Variants in MARCHF11 observed in about 807,000 individuals in gnomAD.
The protein encoded by MARCHF11 is E3 ubiquitin-protein ligase MARCHF11.
Under a neutral mutation model 37.3 loss-of-function variants are expected in MARCHF11, and 29 were observed. The observed-to-expected ratio is 0.78, with a 90% CI of 0.58 to 1.06. MARCHF11 has a LOEUF of 1.06. Ranked by LOEUF, MARCHF11 falls within the 50% of genes least tolerant of loss-of-function variation. The pLI is 0.00. For synonymous variants in MARCHF11, 233 were observed against 228.0 expected, an observed-to-expected ratio of 1.02 and a Z score of -0.20; for missense variants, 482 against 533.4, an observed-to-expected ratio of 0.90 and a Z score of 0.95.
chr5:16,094,950 T>C (rs1336702434), intron 2 of MARCHF11, among the ~76,000 whole-genome samples: 3 of 152,190 alleles, frequency 2.0e-5, no homozygotes, highest in Non-Finnish European at 2.9e-5. Flanking sequence ...TATCCCCATT[T>C]TACAGGTAAG....
In MARCHF11 at chr5:16,148,302, C is replaced by T. The variant is rs555574262; in HGVS notation, c.693+29424G>A. Among the ~76,000 whole-genome samples, 16 of 152,150 alleles carry T rather than the reference C, an allele frequency of 1.1e-4. No individual in the cohort carries two copies. The South Asian group carries it at 2.5e-3, about 24-fold the overall frequency. On this transcript the variant is annotated intron_variant, in intron 2 of 3. Transcript: ENST00000332432. Reference sequence around the variant, plus strand: ...TGTAAAACCATATAGACATCATAAACGGAACATATTTCATAATCCTACTTT... The same window carrying T: ...TGTAAAACCATATAGACATCATAAATGGAACATATTTCATAATCCTACTTT...
chr5:16,179,099 A>G lies in MARCHF11; in HGVS notation c.477T>C (p.Ala159=), dbSNP rs1579431292. The G allele has an allele frequency of 1.3e-5, 20 of 1,494,636 alleles. 2 individuals are homozygous for G. The African/African-American group carries it at 1.5e-4, about 11-fold the overall frequency. The allele number at this position is 1,494,636 out of a possible 1,614,324, so 92.6% of individuals were successfully genotyped here. The change falls in exon 1 of 4, where the codon GCT becomes GCC. Residue 159 remains alanine (A), a synonymous_variant. Coordinates refer to ENST00000332432, the MANE Select transcript of MARCHF11 (RefSeq NM_001102562.3). ...GCTGGTGGTGCTGGTGCTGGTGCCCAGCGCGCTGGTCGCCGCCGCCACTGC... is the reference window on the plus strand; with the variant it reads ...GCTGGTGGTGCTGGTGCTGGTGCCCGGCGCGCTGGTCGCCGCCGCCACTGC... ...SSSSGGGDQR[A]GHQHQHHQPI... is the part of the protein sequence containing the mutation.
intron 2 of MARCHF11, among the ~76,000 whole-genome samples, chr5:16,132,937 T>C (rs891846178): frequency 6.6e-6 from 1 of 152,044 alleles, no homozygotes; most frequent in Non-Finnish European, 1.5e-5. Flanking sequence ...ACATGAACAA[T>C]AGGAATGGAT....
chr5:16,149,363 T>C (rs1026707258), intron 2 of MARCHF11, among the ~76,000 whole-genome samples: 3 of 152,130 alleles, frequency 2.0e-5, no homozygotes, highest in Admixed American at 2.0e-4. Flanking sequence ...CTGGTATGGT[T>C]AGAATGAAAA....
intron 3 of MARCHF11, among the ~76,000 whole-genome samples, chr5:16,072,045 C>T (rs1395929585): frequency 1.3e-5 from 2 of 152,080 alleles, no homozygotes; most frequent in South Asian, 2.1e-4. Context: ...CTGCAAGCTC[C>T]GCCTCCCAGG....
chr5:16,092,469 T>C (rs188548750), intron 2 of MARCHF11, among the ~76,000 whole-genome samples: 15 of 152,276 alleles, frequency 9.9e-5, no homozygotes, highest in Admixed American at 3.9e-4. Context: ...TAGTGAGAAA[T>C]GGTTTGTGCT....
At chr5:16,089,274 T>C (rs910389145) in intron 3 of MARCHF11, among the ~76,000 whole-genome samples, 3 of 152,152 alleles carry the variant, frequency 2.0e-5, no homozygotes, top group African/African-American at 7.2e-5. Flanking sequence ...TTTATATCAT[T>C]CATGCTGAAA....
At chr5:16,135,465 C>G (rs1185651064) in intron 2 of MARCHF11, among the ~76,000 whole-genome samples, 5 of 152,114 alleles carry the variant, frequency 3.3e-5, no homozygotes, top group Non-Finnish European at 7.4e-5. Flanking sequence ...GAGATTAATT[C>G]CCTCCACCCT....
intron 2 of MARCHF11, among the ~76,000 whole-genome samples, chr5:16,155,732 T>A (rs1737969225): frequency 6.6e-6 from 1 of 151,942 alleles, no homozygotes; most frequent in South Asian, 2.1e-4. Flanking sequence ...GGGAATCAAG[T>A]CAGGCATTCC....
chr5:16,091,920 A>G (rs1736796338), intron 2 of MARCHF11, among the ~76,000 whole-genome samples: 1 of 152,216 alleles, frequency 6.6e-6, no homozygotes, highest in Admixed American at 6.5e-5. Flanking sequence ...ACGAAACAAG[A>G]ATTGTTATTA....
At chr5:16,068,172 G>C (rs746184425) in intron 3 of MARCHF11, among the ~76,000 whole-genome samples, 20 of 152,136 alleles carry the variant, frequency 1.3e-4, no homozygotes, top group Non-Finnish European at 2.4e-4. Context: ...TTAGGGGCTT[G>C]AACCCAGCTG....
chr5:16,081,640 C>G (rs749040174), intron 3 of MARCHF11, among the ~76,000 whole-genome samples: 2 of 152,198 alleles, frequency 1.3e-5, no homozygotes, highest in African/African-American at 4.8e-5. Context: ...CGACAGATTA[C>G]TAATGCTGCT....
intron 3 of MARCHF11, among the ~76,000 whole-genome samples, chr5:16,075,038 T>C (rs994726380): frequency 6.6e-6 from 1 of 152,208 alleles, no homozygotes; most frequent in Non-Finnish European, 1.5e-5. Flanking sequence ...CAAAGCCCAA[T>C]TGTCAGATGG....
intron 3 of MARCHF11, among the ~76,000 whole-genome samples, chr5:16,078,492 C>T (rs1274325540): frequency 6.6e-6 from 1 of 152,044 alleles, no homozygotes; most frequent in African/African-American, 2.4e-5. Flanking sequence ...TCTCGATGGC[C>T]CAGAGTTTGT....
chr5:16,141,231 C>T (rs344704), intron 2 of MARCHF11: 74,184 of 151,832 alleles, frequency 0.49, 18,877 homozygotes, highest in Middle Eastern at 0.6. Context: ...GCATAAGGTG[C>T]AGGCACACTT....
chr5:16,151,850 T>A (rs967415463), intron 2 of MARCHF11, among the ~76,000 whole-genome samples: 4 of 151,336 alleles, frequency 2.6e-5, no homozygotes, highest in Non-Finnish European at 5.9e-5. Flanking sequence ...AATAAAATAA[T>A]GAGTTTTTTA....
chr5:16,122,805 C>T (rs1737333694), intron 2 of MARCHF11, among the ~76,000 whole-genome samples: 1 of 152,160 alleles, frequency 6.6e-6, no homozygotes, highest in African/African-American at 2.4e-5. Flanking sequence ...AGCACATCAT[C>T]AAAGGAGAGG....
chr5:16,150,113 T>A (rs1322253640), intron 2 of MARCHF11, among the ~76,000 whole-genome samples: 5 of 149,476 alleles, frequency 3.3e-5, no homozygotes, highest in African/African-American at 1.3e-4. Flanking sequence ...TGTACATGTA[T>A]AAAAGATTTA....
At chr5:16,095,669 T>G (rs185170347) in intron 2 of MARCHF11, among the ~76,000 whole-genome samples, 1 of 152,200 alleles carries the variant, frequency 6.6e-6, no homozygotes, top group Non-Finnish European at 1.5e-5. Flanking sequence ...TAATGCCACC[T>G]CTTGTAAAGA....
Sources: gnomAD v4.1 joint callset for allele counts (sites outside exome capture counted in the v4.1 genomes callset) on GRCh38, gnomAD v4.1.1 for gene constraint, MANE v1.5 for transcripts, NCBI Gene and HGNC (gene_info 2026-07-23, HGNC 2026-07-21) for gene names.